The following SAR1A variants were observed in gnomAD, a reference collection of about 807,000 sequenced individuals.
SAR1A encodes the protein small COPII coat GTPase SAR1A.
A neutral mutation model predicts 22.6 loss-of-function variants in SAR1A; 6 were observed. The observed-to-expected ratio is 0.27, with a 90% CI of 0.15 to 0.52. The LOEUF is 0.52. Ranked by LOEUF, SAR1A falls within the 20% of genes least tolerant of loss-of-function variation. The pLI is 0.96. For missense variants in SAR1A, 145 were observed against 245.1 expected, an observed-to-expected ratio of 0.59 and a Z score of 2.73; for synonymous variants, 70 against 82.2, an observed-to-expected ratio of 0.85 and a Z score of 0.80.
At chr10:70,153,249 C>A (rs147235707) in intron 6 of SAR1A, among the ~76,000 whole-genome samples, 1 of 152,306 alleles carries the variant, frequency 6.6e-6, no homozygotes, top group East Asian at 1.9e-4. Context: ...CTCTCTCAAG[C>A]CTGCTTTTCT....
intron 4 of SAR1A, 152 bp from the exon 5 acceptor site, chr10:70,158,019 A>G (rs1312136445): frequency 8.8e-6 from 5 of 569,350 alleles, no homozygotes; most frequent in Non-Finnish European, 1.5e-5. Context: ...TTAATTCAGA[A>G]CAGAGGATGC....
At chr10:70,155,804 A>G (rs1839380758) in intron 5 of SAR1A, among the ~76,000 whole-genome samples, 2 of 152,230 alleles carry the variant, frequency 1.3e-5, no homozygotes, top group South Asian at 4.1e-4. Flanking sequence ...CTACTTGTGC[A>G]TATTCAAGGA....
intron 5 of SAR1A, among the ~76,000 whole-genome samples, chr10:70,157,425 A>C (rs10823489): frequency 0.37 from 54,184 of 145,624 alleles, 10,699 homozygotes; most frequent in Non-Finnish European, 0.4. Context: ...AAAAAAAAAA[A>C]AAAACAGAAT....
In SAR1A at chr10:70,152,364, A is replaced by G; in HGVS notation, c.*112T>C. 1 of 978,772 alleles carries G rather than the reference A, an allele frequency of 1.0e-6. No homozygotes were observed. The highest frequency in any genetic ancestry group is 1.6e-6 in the Non-Finnish European group (1 of 620,846). 60.6% of individuals were successfully genotyped at this position (978,772 alleles called of 1,614,324 possible). ...GTTGACAGAGACTCTTGGCTTCTCAACGCCAGACATGGTTGGAGAGCTTTC... is the reference window on the plus strand; with the variant it reads ...GTTGACAGAGACTCTTGGCTTCTCAGCGCCAGACATGGTTGGAGAGCTTTC... On this transcript the variant is annotated 3_prime_UTR_variant, in exon 7 of 7. Coordinates refer to ENST00000373241, the MANE Select transcript of SAR1A (RefSeq NM_020150.5).
At position 70,161,869 on chromosome 10, in the gene SAR1A, A is replaced by G; in HGVS notation, c.47T>C (p.Leu16Pro). 1 of 1,613,398 alleles carries G rather than the reference A, an allele frequency of 6.2e-7. No homozygotes were observed. The highest frequency in any genetic ancestry group is 8.5e-7 in the Non-Finnish European group (1 of 1,179,874). Residue 16 changes from leucine to proline, a missense_variant, in exon 2 of 7, where the codon CTC becomes CCC. Leu to Pro is a moderately conservative substitution (Grantham distance 98). Transcript: ENST00000373241. ...GGAAATGGCTTTACCTAGGAACTGG[A>G]GCACACTGCTGAAGCCATTGTAGAT... ...EWIYNGFSSV[L>P]QFLGLYKKSG... is the part of the protein sequence containing the mutation.
intron 4 of SAR1A, 103 bp downstream of exon 4, chr10:70,160,901 T>C: frequency 1.4e-6 from 1 of 690,308 alleles, no homozygotes; most frequent in South Asian, 2.1e-5. Context: ...TTCTAAAATG[T>C]AAGTAATTTA....
chr10:70,162,474 C>G (rs1464400726), intron 1 of SAR1A, among the ~76,000 whole-genome samples: 1 of 34,930 alleles, frequency 2.9e-5, no homozygotes, highest in African/African-American at 1.1e-4. Flanking sequence ...GGAGGCGGGG[C>G]AGGGGAGGAG....
intron 1 of SAR1A, among the ~76,000 whole-genome samples, chr10:70,165,776 G>C (rs762003171): frequency 4.6e-5 from 7 of 152,190 alleles, no homozygotes; most frequent in Non-Finnish European, 4.4e-5. Context: ...GGGTTTAAGA[G>C]GACTGGTTCC....
chr10:70,152,652 G>T, intron 6 of SAR1A, 60 bp from the exon 7 acceptor site: 5 of 1,098,610 alleles, frequency 4.6e-6, no homozygotes, highest in South Asian at 2.5e-5. Flanking sequence ...AAGATTGAAA[G>T]GACGATCATT....
chr10:70,150,767 TA>T lies in SAR1A; in HGVS notation c.*1708del, dbSNP rs1450895964. The T allele has an allele frequency of 1.3e-5, 2 of 152,466 alleles. No individual in the cohort carries two copies. The highest frequency in any genetic ancestry group is 2.9e-5 in the Non-Finnish European group (2 of 68,038). 9.4% of individuals were successfully genotyped at this position (152,466 alleles called of 1,614,324 possible). A position where few individuals can be genotyped will look rare whatever the true frequency, so the allele number is the denominator to read the frequency against. On this transcript the variant is annotated 3_prime_UTR_variant, in exon 7 of 7. Transcript: ENST00000373241. ...GTCTTAATCCAGCTATGTTTGCTAA[TA>T]AACGAAATGCATGCACTTCCCACAT...
chr10:70,164,238 T>C (rs937779393), intron 1 of SAR1A: 10 of 564,294 alleles, frequency 1.8e-5, no homozygotes, highest in East Asian at 9.4e-5. Context: ...AAAATATGCA[T>C]GTATGGTAAT....
At chr10:70,168,410 C>T (rs1366579122) in intron 1 of SAR1A, among the ~76,000 whole-genome samples, 1 of 152,136 alleles carries the variant, frequency 6.6e-6, no homozygotes, top group Admixed American at 6.5e-5. Flanking sequence ...GCCTGGCCAA[C>T]ATGGTGAAAC....
At chr10:70,164,579 T>A (rs772098825) in intron 1 of SAR1A, among the ~76,000 whole-genome samples, 2 of 152,230 alleles carry the variant, frequency 1.3e-5, no homozygotes, top group African/African-American at 2.4e-5. Context: ...CCTCACACAC[T>A]GTTTTTTCTG....
rs1259480293 is a variant in SAR1A at position 70,148,188 on chromosome 10, T to G, written c.*4288A>C. The G allele has an allele frequency of 6.6e-6, 1 of 152,288 alleles. No homozygotes were observed. The highest frequency in any genetic ancestry group is 2.4e-5 in the African/African-American group (1 of 41,482). 9.4% of individuals were successfully genotyped at this position (152,288 alleles called of 1,614,324 possible). A position where few individuals can be genotyped will look rare whatever the true frequency, so the allele number is the denominator to read the frequency against. ...CCACCGTACCCGGCCATCATTAATT[T>G]TTATTAAGGTTACTGTATTGCTTAC... On this transcript the variant is annotated 3_prime_UTR_variant, in exon 7 of 7. Coordinates refer to ENST00000373241, the MANE Select transcript of SAR1A (RefSeq NM_020150.5).
rs181851704 is a variant in SAR1A, at chr10:70,155,758, T to C, written c.349-1789A>G. On this transcript the variant is annotated intron_variant, in intron 5 of 6. Transcript: ENST00000373241. ...TAAAATTTGCCGACAAAGCGAGGGGTTGAGGAGAGGTACAGGTGAAAAAGC... is the reference window on the plus strand; with the variant it reads ...TAAAATTTGCCGACAAAGCGAGGGGCTGAGGAGAGGTACAGGTGAAAAAGC... 8.9e-4 allele frequency among the ~76,000 whole-genome samples: 136 copies of C among 152,038 alleles called. 1 individual carries two copies. The Middle Eastern group carries it at 0.01, about 11-fold the overall frequency.
chr10:70,147,674 AT>A lies in SAR1A; in HGVS notation c.*4801del, dbSNP rs1173040638. ...GCAGGCCCGATTTGACCCACAAGGC[AT>A]AGTTTACCATCTCTAGTGTACACTA... On this transcript the variant is annotated 3_prime_UTR_variant, in exon 7 of 7. Transcript: ENST00000373241. 2 of 152,214 alleles carry A rather than the reference AT, an allele frequency of 1.3e-5. No individual in the cohort carries two copies. The highest frequency in any genetic ancestry group is 2.4e-5 in the African/African-American group (1 of 41,440). 9.4% of individuals were successfully genotyped at this position (152,214 alleles called of 1,614,324 possible).
At chr10:70,157,670 T>C (rs1280458092) in intron 5 of SAR1A, 94 bp downstream of exon 5, 1 of 788,468 alleles carries the variant, frequency 1.3e-6, no homozygotes, top group Non-Finnish European at 2.1e-6. Context: ...AATGACTAAT[T>C]ATTGGCACTA....
chr10:70,155,357 T>G (rs1839374726), intron 5 of SAR1A, among the ~76,000 whole-genome samples: 1 of 152,156 alleles, frequency 6.6e-6, no homozygotes, highest in Non-Finnish European at 1.5e-5. Context: ...GCCACTGATT[T>G]CAAGCCTGGG....
intron 1 of SAR1A, chr10:70,167,520 T>C (rs1260261413): frequency 6.6e-6 from 1 of 152,160 alleles, no homozygotes; most frequent in Non-Finnish European, 1.5e-5. Context: ...GGAGAAACGC[T>C]TGAACCTAGA....
Sources: gnomAD v4.1 joint callset for allele counts (sites outside exome capture counted in the v4.1 genomes callset) on GRCh38, gnomAD v4.1.1 for gene constraint, MANE v1.5 for transcripts, NCBI Gene and HGNC (gene_info 2026-07-23, HGNC 2026-07-21) for gene names.